KLF8: variants seen among roughly 807,000 people sequenced by gnomAD.
KLF8 encodes the protein Krueppel-like factor 8.
Under a neutral mutation model 18.2 loss-of-function variants are expected in KLF8, and 10 were observed. The observed-to-expected ratio is 0.55, with a 90% CI of 0.34 to 0.93. KLF8 has a LOEUF of 0.93. KLF8 is among the 40% of genes least tolerant of loss of function. KLF8 has a pLI of 0.02. For synonymous variants in KLF8, 109 were observed against 97.3 expected, an observed-to-expected ratio of 1.12 and a Z score of -0.71; for missense variants, 264 against 277.9, an observed-to-expected ratio of 0.95 and a Z score of 0.36.
the KLF8 span, among the ~76,000 whole-genome samples, chrX:56,155,616 T>TA: frequency 9.0e-6 from 1 of 111,560 alleles, no homozygotes; most frequent in African/African-American, 3.3e-5. Context: ...AAAATAAAAT[T>TA]AAAAAATTAA....
the KLF8 span, among the ~76,000 whole-genome samples, chrX:56,151,841 G>A: frequency 9.0e-6 from 1 of 111,502 alleles, no homozygotes; most frequent in African/African-American, 3.3e-5. Flanking sequence ...AGGGAGAAGA[G>A]AAAAGAGAAA....
the KLF8 span, among the ~76,000 whole-genome samples, chrX:56,141,991 G>A: frequency 8.9e-6 from 1 of 111,961 alleles, no homozygotes. Flanking sequence ...CAAGACTTCT[G>A]TGCCTTTTGC....
chrX:56,270,433 A>G, intron 5 of KLF8, 112 bp downstream of exon 5: 11 of 907,884 alleles, frequency 1.2e-5, no homozygotes, highest in Non-Finnish European at 1.6e-5. Flanking sequence ...GGGCAGAGAG[A>G]GAGAGAGAAA....
the KLF8 span, among the ~76,000 whole-genome samples, chrX:56,023,788 C>G: frequency 1.8e-5 from 2 of 111,225 alleles, no homozygotes; most frequent in Non-Finnish European, 3.8e-5. Flanking sequence ...CTTTACTCCC[C>G]CTTTTCAAAA....
chrX:56,249,178 G>T lies in KLF8; in HGVS notation c.8-1053G>T, dbSNP rs190150578. On this transcript the variant is annotated intron_variant, in intron 1 of 5. Transcript: ENST00000468660. ...ACACTTAACAGTTTAATCGAGCAAA[G>T]AATGATTCATGAATCAGGCAGCCCC... Among the ~76,000 whole-genome samples the T allele has an allele frequency of 5.6e-3, 636 of 112,575 alleles. 2 individuals are homozygous for T. Among genetic ancestry groups the T allele is most frequent in the Middle Eastern group, 0.018 (4 of 219 alleles).
At chrX:56,194,151 G>C in the KLF8 span, among the ~76,000 whole-genome samples, 10 of 111,095 alleles carry the variant, frequency 9.0e-5, no homozygotes, top group South Asian at 1.2e-3. Flanking sequence ...CGTGATCAAA[G>C]CAGAAGATGG....
At chrX:56,000,492 A>AT in the KLF8 span, among the ~76,000 whole-genome samples, 28 of 17,944 alleles carry the variant, frequency 1.6e-3, no homozygotes, top group East Asian at 7.9e-3. Flanking sequence ...GGGGGGAGGG[A>AT]TTTTTTTTTA....
chrX:55,989,551 G>A, the KLF8 span, among the ~76,000 whole-genome samples: 3 of 112,246 alleles, frequency 2.7e-5, no homozygotes, highest in African/African-American at 9.7e-5. Flanking sequence ...CAGGGATGAA[G>A]CCCCCTTGAT....
At chrX:55,939,312 G>A in the KLF8 span, among the ~76,000 whole-genome samples, 8 of 111,630 alleles carry the variant, frequency 7.2e-5, no homozygotes, top group African/African-American at 2.6e-4. Context: ...AAATAAAGAT[G>A]TTCTTTGAAA....
upstream of KLF8, among the ~76,000 whole-genome samples, chrX:56,231,715 T>C (rs937086267): frequency 1.8e-5 from 2 of 111,430 alleles, no homozygotes; most frequent in African/African-American, 3.3e-5. Context: ...TCCTATCCTG[T>C]GGATTCAGCT....
the KLF8 span, among the ~76,000 whole-genome samples, chrX:56,128,385 G>T: frequency 9.0e-6 from 1 of 111,427 alleles, no homozygotes; most frequent in Non-Finnish European, 1.9e-5. Flanking sequence ...ACATACTTTA[G>T]TATCAATCCT....
At chrX:56,192,857 T>C in the KLF8 span, among the ~76,000 whole-genome samples, 3 of 112,159 alleles carry the variant, frequency 2.7e-5, no homozygotes, top group South Asian at 1.1e-3. Flanking sequence ...AGTAAAATGG[T>C]AAAGTTAAAG....
At chrX:56,011,508 A>C in the KLF8 span, among the ~76,000 whole-genome samples, 1 of 112,054 alleles carries the variant, frequency 8.9e-6, no homozygotes, top group Admixed American at 9.5e-5. Flanking sequence ...AAACAGCTAG[A>C]AAGAGCTCAA....
At chrX:56,107,836 T>C in the KLF8 span, among the ~76,000 whole-genome samples, 1 of 111,777 alleles carries the variant, frequency 8.9e-6, no homozygotes, top group Non-Finnish European at 1.9e-5. Flanking sequence ...CCCGAGCTGA[T>C]CCTATTCGGC....
the KLF8 span, among the ~76,000 whole-genome samples, chrX:55,945,090 C>T: frequency 9.0e-6 from 1 of 110,908 alleles, no homozygotes; most frequent in South Asian, 3.9e-4. Flanking sequence ...CGTTATGTAC[C>T]CAGTAGTCAT....
the KLF8 span, among the ~76,000 whole-genome samples, chrX:55,999,568 A>G: frequency 2.8e-5 from 3 of 109,031 alleles, no homozygotes; most frequent in Non-Finnish European, 5.7e-5. Context: ...TGTTAAGTAT[A>G]TTTTTAGATA....
chrX:56,278,925 T>C (rs760013509), intron 5 of KLF8, among the ~76,000 whole-genome samples: 2 of 111,599 alleles, frequency 1.8e-5, no homozygotes, highest in African/African-American at 6.5e-5. Flanking sequence ...AGTTTTGCTT[T>C]CTGCTGTGAC....
At chrX:56,216,258 T>C in the KLF8 span, among the ~76,000 whole-genome samples, 1 of 111,133 alleles carries the variant, frequency 9.0e-6, no homozygotes, top group African/African-American at 3.3e-5. Flanking sequence ...CCCCTTCCAA[T>C]CAGTTCTCTA....
At chrX:56,205,659 C>G in the KLF8 span, among the ~76,000 whole-genome samples, 1 of 111,959 alleles carries the variant, frequency 8.9e-6, no homozygotes, top group African/African-American at 3.2e-5. Flanking sequence ...CAGGGCAATA[C>G]TAGCCTTGTG....
Sources: gnomAD v4.1 joint callset for allele counts (sites outside exome capture counted in the v4.1 genomes callset) on GRCh38, gnomAD v4.1.1 for gene constraint, MANE v1.5 for transcripts, NCBI Gene and HGNC (gene_info 2026-07-23, HGNC 2026-07-21) for gene names.